The following GHR variants were observed in gnomAD, a reference collection of about 807,000 sequenced individuals.
The protein encoded by GHR is growth hormone receptor.
Under a neutral mutation model 67.1 loss-of-function variants are expected in GHR, and 35 were observed. That is an observed-to-expected ratio of 0.52 (90% CI 0.40 to 0.69). GHR has a LOEUF of 0.69. Among genes scored for constraint, GHR ranks in the 30% least tolerant of loss-of-function variants. The pLI, the probability that GHR is intolerant of heterozygous loss-of-function variation, is 0.00. For synonymous variants in GHR, 272 were observed against 269.1 expected (o/e 1.01, Z -0.10); for missense variants, 792 against 764.6 (o/e 1.04, Z -0.42).
At chr5:42,687,485 T>A (rs1757216895) in intron 3 of GHR, among the ~76,000 whole-genome samples, 1 of 152,220 alleles carries the variant, frequency 6.6e-6, no homozygotes, top group South Asian at 2.1e-4. Context: ...GGACCAACTT[T>A]TATCAACTTG....
At chr5:42,448,168 C>A (rs1743893982) in intron 1 of GHR, among the ~76,000 whole-genome samples, 1 of 152,152 alleles carries the variant, frequency 6.6e-6, no homozygotes, top group African/African-American at 2.4e-5. Flanking sequence ...AGGAATCTCC[C>A]TACTGTTTTC....
intron 2 of GHR, among the ~76,000 whole-genome samples, chr5:42,597,159 C>A (rs1014123999): frequency 1.3e-5 from 2 of 152,068 alleles, no homozygotes; most frequent in Admixed American, 6.5e-5. Context: ...CCCAACATGA[C>A]CAACTTTAAG....
At chr5:42,703,144 A>C (rs1448325176) in intron 6 of GHR, among the ~76,000 whole-genome samples, 1 of 151,984 alleles carries the variant, frequency 6.6e-6, no homozygotes, top group African/African-American at 2.4e-5. Flanking sequence ...AACCAATGTC[A>C]TGGAGCTTTT....
intron 2 of GHR, among the ~76,000 whole-genome samples, chr5:42,611,359 A>T (rs1197505137): frequency 6.6e-6 from 1 of 152,172 alleles, no homozygotes; most frequent in East Asian, 1.9e-4. Context: ...TTCCAACCTT[A>T]ATTACCATTG....
chr5:42,648,944 C>A (rs1019538564), intron 3 of GHR, among the ~76,000 whole-genome samples: 2 of 152,106 alleles, frequency 1.3e-5, no homozygotes, highest in African/African-American at 4.8e-5. Context: ...TTTCTTATTT[C>A]TCAAAGAGTA....
At chr5:42,650,793 A>AC (rs1754986203) in intron 3 of GHR, among the ~76,000 whole-genome samples, 1 of 152,014 alleles carries the variant, frequency 6.6e-6, no homozygotes, top group Non-Finnish European at 1.5e-5. Context: ...TGGGATCCTG[A>AC]ACCAGATTCC....
intron 1 of GHR, chr5:42,514,818 A>C (rs1747171108): frequency 6.6e-6 from 1 of 152,224 alleles, no homozygotes; most frequent in Non-Finnish European, 1.5e-5. Context: ...TTAGTCTCAC[A>C]CATAATTGTA....
chr5:42,436,016 G>A lies in GHR; in HGVS notation c.-12+12061G>A, dbSNP rs1317769591. Reference sequence around the variant, plus strand: ...GGTAAGCTAAGAGGTAGTCATAAGAGTGGGATAACTTGGAAGAAATTTGAT... The same window carrying A: ...GGTAAGCTAAGAGGTAGTCATAAGAATGGGATAACTTGGAAGAAATTTGAT... On this transcript the variant is annotated intron_variant, in intron 1 of 9. Transcript: ENST00000230882. Among the ~76,000 whole-genome samples, 6 of 152,198 alleles carry A rather than the reference G, an allele frequency of 3.9e-5. No homozygotes were observed. The East Asian group carries it at 1.2e-3, about 29-fold the overall frequency.
chr5:42,674,931 T>C (rs1289010542), intron 3 of GHR, among the ~76,000 whole-genome samples: 4 of 152,148 alleles, frequency 2.6e-5, no homozygotes, highest in Non-Finnish European at 4.4e-5. Context: ...CCAAATTGCT[T>C]TCCCCAGTAG....
In GHR at chr5:42,719,789, G is replaced by A. The variant is rs534974167; in HGVS notation, c.*365G>A. On this transcript the variant is annotated 3_prime_UTR_variant, in exon 10 of 10. Coordinates refer to ENST00000230882, the MANE Select transcript of GHR (RefSeq NM_000163.5). ...AGCGAAAAAATCAGGTGGCTTTTGC[G>A]GTTCAGGAAAATTGAATGCAAACCA... The A allele has an allele frequency of 1.2e-4, 35 of 283,708 alleles. No homozygotes were observed. The East Asian group carries it at 2.2e-3, about 18-fold the overall frequency. 17.6% of individuals were successfully genotyped at this position (283,708 alleles called of 1,614,324 possible).
At chr5:42,455,830 A>G (rs981930718) in intron 1 of GHR, among the ~76,000 whole-genome samples, 1 of 152,224 alleles carries the variant, frequency 6.6e-6, no homozygotes, top group Non-Finnish European at 1.5e-5. Context: ...CACTGATACT[A>G]GAATTTTGTG....
intron 1 of GHR, among the ~76,000 whole-genome samples, chr5:42,477,424 T>C (rs1745388088): frequency 6.6e-6 from 1 of 152,166 alleles, no homozygotes; most frequent in Non-Finnish European, 1.5e-5. Context: ...GTTCAAATGG[T>C]ATTTTTAGTT....
chr5:42,460,563 T>G (rs527786854), intron 1 of GHR, among the ~76,000 whole-genome samples: 1 of 152,192 alleles, frequency 6.6e-6, no homozygotes, highest in Non-Finnish European at 1.5e-5. Context: ...TGGTTGACTT[T>G]GACGGTGCTT....
At chr5:42,663,560 A>C (rs947604950) in intron 3 of GHR, among the ~76,000 whole-genome samples, 1 of 152,136 alleles carries the variant, frequency 6.6e-6, no homozygotes, top group Non-Finnish European at 1.5e-5. Context: ...CATGCTAAAA[A>C]CTCTCAATAA....
At chr5:42,427,037 T>C (rs1485294491) in intron 1 of GHR, among the ~76,000 whole-genome samples, 1 of 152,230 alleles carries the variant, frequency 6.6e-6, no homozygotes, top group African/African-American at 2.4e-5. Flanking sequence ...CTGACCACAA[T>C]GAATCTAGTC....
intron 2 of GHR, among the ~76,000 whole-genome samples, chr5:42,620,064 T>C (rs1006862698): frequency 6.6e-6 from 1 of 152,134 alleles, no homozygotes; most frequent in African/African-American, 2.4e-5. Flanking sequence ...AAATTAATCT[T>C]ATTTTTATTA....
intron 2 of GHR, among the ~76,000 whole-genome samples, chr5:42,610,911 T>C (rs1187119932): frequency 6.6e-6 from 1 of 152,124 alleles, no homozygotes; most frequent in Non-Finnish European, 1.5e-5. Context: ...TTTCAGAGCA[T>C]AGCAGCTGAG....
intron 2 of GHR, among the ~76,000 whole-genome samples, chr5:42,584,497 G>A (rs1751367747): frequency 6.6e-6 from 1 of 152,154 alleles, no homozygotes; most frequent in African/African-American, 2.4e-5. Flanking sequence ...CAATAGGGCA[G>A]AACTCGTACT....
intron 1 of GHR, among the ~76,000 whole-genome samples, chr5:42,532,808 A>G (rs1302249878): frequency 6.6e-6 from 1 of 152,142 alleles, no homozygotes; most frequent in Admixed American, 6.6e-5. Flanking sequence ...ACTCCATCTT[A>G]TGAAAATACC....
Sources: allele counts gnomAD v4.1 joint callset (sites outside exome capture counted in the v4.1 genomes callset), GRCh38; gene constraint gnomAD v4.1.1; transcripts MANE v1.5; gene names NCBI Gene and HGNC (gene_info 2026-07-23, HGNC 2026-07-21).